The following CIMIP2C variants were observed in gnomAD, a reference collection of about 807,000 sequenced individuals.
CIMIP2C encodes the protein UPF0573 protein C2orf70.
the CIMIP2C span, chr2:26,563,108 A>T: frequency 5.4e-6 from 1 of 186,910 alleles, no homozygotes; most frequent in South Asian, 1.3e-4. Context: ...CATTCGGGCA[A>T]GGTCAGTACT....
chr2:26,578,928 A>T, the CIMIP2C span: 5 of 478,472 alleles, frequency 1.0e-5, no homozygotes, highest in Non-Finnish European at 1.7e-5. Flanking sequence ...TTCTTAGAAC[A>T]TTTGTTGTGT....
chr2:26,571,073 C>T, the CIMIP2C span, among the ~76,000 whole-genome samples: 2 of 152,062 alleles, frequency 1.3e-5, no homozygotes, highest in African/African-American at 4.8e-5. Context: ...GGTGGCCCAG[C>T]CTTGTGTGGA....
At chr2:26,565,322 C>T in the CIMIP2C span, among the ~76,000 whole-genome samples, 1 of 152,140 alleles carries the variant, frequency 6.6e-6, no homozygotes, top group Non-Finnish European at 1.5e-5. Flanking sequence ...AACTCCTGAC[C>T]TCAGATGATC....
the CIMIP2C span, among the ~76,000 whole-genome samples, chr2:26,571,636 A>G: frequency 1.3e-5 from 2 of 152,180 alleles, no homozygotes; most frequent in African/African-American, 4.8e-5. Context: ...TGTGTGTACA[A>G]AGAAGAAAGC....
chr2:26,579,211 T>C, the CIMIP2C span: 3 of 1,534,458 alleles, frequency 2.0e-6, no homozygotes, highest in South Asian at 2.3e-5. Context: ...AGCTGGAAAG[T>C]GGGCACGTGG....
At chr2:26,577,644 C>T in the CIMIP2C span, 3 of 1,598,334 alleles carry the variant, frequency 1.9e-6, no homozygotes, top group Non-Finnish European at 2.6e-6. Flanking sequence ...TGCCTGCCCT[C>T]CCTTCATCTA....
chr2:26,575,384 G>A, the CIMIP2C span, among the ~76,000 whole-genome samples: 1 of 152,246 alleles, frequency 6.6e-6, no homozygotes, highest in Non-Finnish European at 1.5e-5. Context: ...GAATGTGGGA[G>A]CCAGAGGAGG....
At chr2:26,566,957 G>T in the CIMIP2C span, among the ~76,000 whole-genome samples, 1 of 152,200 alleles carries the variant, frequency 6.6e-6, no homozygotes, top group African/African-American at 2.4e-5. Flanking sequence ...CCATTTGCCT[G>T]CCTCAGCCTC....
At chr2:26,570,074 C>T in the CIMIP2C span, among the ~76,000 whole-genome samples, 157 of 152,278 alleles carry the variant, frequency 1.0e-3, no homozygotes, top group African/African-American at 3.6e-3. Flanking sequence ...GCACACACAC[C>T]TGCCTGAGCA....
At chr2:26,573,649 C>A in the CIMIP2C span, among the ~76,000 whole-genome samples, 1 of 152,244 alleles carries the variant, frequency 6.6e-6, no homozygotes, top group Non-Finnish European at 1.5e-5. Context: ...CCAGAGGAGA[C>A]CTGGCCTCCG....
the CIMIP2C span, among the ~76,000 whole-genome samples, chr2:26,573,726 T>A: frequency 6.6e-6 from 1 of 152,160 alleles, no homozygotes; most frequent in Admixed American, 6.5e-5. Context: ...ACCGCCAGGG[T>A]CACGGTGTCA....
the CIMIP2C span, among the ~76,000 whole-genome samples, chr2:26,575,178 C>T: frequency 6.6e-6 from 1 of 152,230 alleles, no homozygotes; most frequent in Non-Finnish European, 1.5e-5. Context: ...TCCTTGTAGG[C>T]TCTCAGAGCT....
the CIMIP2C span, among the ~76,000 whole-genome samples, chr2:26,573,190 G>A: frequency 6.6e-6 from 1 of 152,078 alleles, no homozygotes; most frequent in African/African-American, 2.4e-5. Context: ...TCAAGGAAAG[G>A]GTGAGAGTTG....
chr2:26,569,359 C>T, the CIMIP2C span, among the ~76,000 whole-genome samples: 2 of 152,282 alleles, frequency 1.3e-5, no homozygotes, highest in Admixed American at 1.3e-4. Context: ...AAAGCATTCT[C>T]ACAGAGGCCC....
At chr2:26,576,734 G>A in the CIMIP2C span, among the ~76,000 whole-genome samples, 1 of 152,222 alleles carries the variant, frequency 6.6e-6, no homozygotes, top group Non-Finnish European at 1.5e-5. Flanking sequence ...CTGCCCTGCA[G>A]GGAGTGAGCT....
the CIMIP2C span, among the ~76,000 whole-genome samples, chr2:26,570,154 A>T: frequency 2.0e-5 from 3 of 152,244 alleles, no homozygotes; most frequent in African/African-American, 4.8e-5. Flanking sequence ...TTCTATTGGG[A>T]TGCAAATATC....
the CIMIP2C span, among the ~76,000 whole-genome samples, chr2:26,569,015 T>G: frequency 1.5e-4 from 3 of 20,286 alleles, no homozygotes; most frequent in Non-Finnish European, 4.8e-4. Context: ...AGACTCAGTC[T>G]CAAAAAAAAA....
At chr2:26,569,154 G>A in the CIMIP2C span, among the ~76,000 whole-genome samples, 21 of 152,108 alleles carry the variant, frequency 1.4e-4, no homozygotes, top group Admixed American at 1.1e-3. Context: ...GGGAAAGAGG[G>A]CATTCAAGAT....
the CIMIP2C span, chr2:26,577,476 G>T: frequency 5.7e-6 from 9 of 1,571,854 alleles, no homozygotes; most frequent in Non-Finnish European, 7.0e-6. Flanking sequence ...TCAGTCCTGT[G>T]CACTAACAAC....
Sources: allele counts gnomAD v4.1 joint callset (sites outside exome capture counted in the v4.1 genomes callset), GRCh38; gene constraint gnomAD v4.1.1; transcripts MANE v1.5; gene names NCBI Gene and HGNC (gene_info 2026-07-23, HGNC 2026-07-21).